Variants in JUP observed in about 807,000 individuals in gnomAD.
The protein encoded by JUP is junction plakoglobin, also known as catenin (cadherin-associated protein), gamma 80kDa.
Under a neutral mutation model 71.1 loss-of-function variants are expected in JUP, and 28 were observed. That is an observed-to-expected ratio of 0.39 (90% CI 0.29 to 0.54). The LOEUF (loss-of-function observed/expected upper bound fraction) is 0.54, where lower values mean the gene tolerates loss of function less well. JUP is among the 20% of genes least tolerant of loss of function. The pLI is 0.62. For missense variants in JUP, 869 were observed against 1,030.1 expected (o/e 0.84, Z 2.14); for synonymous variants, 401 against 438.9 (o/e 0.91, Z 1.08).
chr17:41,762,139 GA>G (rs1914917888), intron 8 of JUP, among the ~76,000 whole-genome samples: 1 of 88,558 alleles, frequency 1.1e-5, no homozygotes, highest in Non-Finnish European at 2.4e-5. Context: ...GAGAGAGAGA[GA>G]GAGAGAGAGA....
At chr17:41,771,971 A>G in intron 1 of JUP, 109 bp from the exon 2 acceptor site, 1 of 965,862 alleles carries the variant, frequency 1.0e-6, no homozygotes, top group African/African-American at 1.6e-5. Flanking sequence ...ACCATGGCCC[A>G]GGGATTTCAA....
intron 8 of JUP, 49 bp from the exon 9 acceptor site, chr17:41,758,919 G>A (rs929878424): frequency 3.8e-6 from 6 of 1,561,992 alleles, no homozygotes; most frequent in Non-Finnish European, 5.2e-6. Context: ...GACATCTGAA[G>A]GATCCCAGCT....
intron 13 of JUP, 56 bp downstream of exon 13, chr17:41,756,119 C>T (rs1913685558): frequency 6.4e-7 from 1 of 1,559,862 alleles, no homozygotes; most frequent in East Asian, 2.2e-5. Context: ...CCCTCACACA[C>T]ACCCACACAG....
chr17:41,776,844 A>T (rs1307764972), intron 1 of JUP, among the ~76,000 whole-genome samples: 1 of 152,142 alleles, frequency 6.6e-6, no homozygotes, highest in Non-Finnish European at 1.5e-5. Context: ...ATCTCTACTA[A>T]AAATACAAAA....
At chr17:41,774,147 AC>A (rs1917088701) in intron 1 of JUP, among the ~76,000 whole-genome samples, 1 of 133,916 alleles carries the variant, frequency 7.5e-6, no homozygotes, top group South Asian at 2.8e-4. Context: ...GCCCCTCACC[AC>A]CCCCACCAGC....
intron 1 of JUP, among the ~76,000 whole-genome samples, chr17:41,773,505 C>CT (rs1462206529): frequency 6.6e-6 from 1 of 152,238 alleles, no homozygotes; most frequent in Non-Finnish European, 1.5e-5. Flanking sequence ...CCTCAGACGG[C>CT]AGACCCCAGA....
chr17:41,782,678 A>G (rs964340245), intron 1 of JUP, among the ~76,000 whole-genome samples: 3 of 152,142 alleles, frequency 2.0e-5, no homozygotes, highest in Non-Finnish European at 4.4e-5. Context: ...GGGGAGATTT[A>G]AGTGGGCTGG....
intron 1 of JUP, among the ~76,000 whole-genome samples, chr17:41,773,943 C>A (rs1917061166): frequency 6.6e-6 from 1 of 152,228 alleles, no homozygotes; most frequent in East Asian, 1.9e-4. Flanking sequence ...CTGGACACTG[C>A]TGGACATCTG....
At chr17:41,785,598 C>T (rs569540714) in intron 1 of JUP, among the ~76,000 whole-genome samples, 6 of 152,346 alleles carry the variant, frequency 3.9e-5, no homozygotes, top group African/African-American at 1.2e-4. Flanking sequence ...CAGGAAGGAC[C>T]CCCTAAGCCT....
intron 4 of JUP, among the ~76,000 whole-genome samples, chr17:41,768,086 A>T (rs1260402155): frequency 6.6e-6 from 1 of 152,080 alleles, no homozygotes; most frequent in Non-Finnish European, 1.5e-5. Context: ...CAACGTGGTG[A>T]AACCCCGTCT....
At chr17:41,773,655 A>G (rs1555607777) in intron 1 of JUP, among the ~76,000 whole-genome samples, 1 of 148,534 alleles carries the variant, frequency 6.7e-6, no homozygotes, top group Non-Finnish European at 1.5e-5. Flanking sequence ...ACAGAGGGGA[A>G]TGGCCACTGG....
intron 12 of JUP, 79 bp downstream of exon 12, chr17:41,757,336 G>A: frequency 2.0e-6 from 3 of 1,469,756 alleles, no homozygotes; most frequent in Non-Finnish European, 1.9e-6. Context: ...GACAGTAGTA[G>A]GAGACCCCCA....
At chr17:41,782,110 A>G (rs1315119758) in intron 1 of JUP, among the ~76,000 whole-genome samples, 1 of 152,146 alleles carries the variant, frequency 6.6e-6, no homozygotes, top group Non-Finnish European at 1.5e-5. Flanking sequence ...CATAAAGAGA[A>G]CCCATTTCCC....
At chr17:41,772,493 G>C (rs1234439259) in intron 1 of JUP, among the ~76,000 whole-genome samples, 1 of 152,122 alleles carries the variant, frequency 6.6e-6, no homozygotes, top group East Asian at 1.9e-4. Flanking sequence ...AGCCCTCCCA[G>C]TCCCTAGACG....
chr17:41,781,366 A>AAAAG (rs201091996), intron 1 of JUP, among the ~76,000 whole-genome samples: 6 of 151,784 alleles, frequency 4.0e-5, no homozygotes, highest in South Asian at 2.1e-4. Flanking sequence ...CAAAAAAAAA[A>AAAAG]AAAGAAAGAA....
intron 3 of JUP, 96 bp downstream of exon 3, chr17:41,769,322 A>G (rs1567818891): frequency 6.4e-7 from 1 of 1,568,602 alleles, no homozygotes; most frequent in Non-Finnish European, 8.7e-7. Context: ...AGTCTGGGTC[A>G]TAACCTCCCT....
intron 1 of JUP, among the ~76,000 whole-genome samples, chr17:41,784,263 CCAAA>C (rs1414788574): frequency 1.3e-5 from 2 of 152,078 alleles, no homozygotes; most frequent in Non-Finnish European, 2.9e-5. Context: ...CCCTGGCAGC[CCAAA>C]CAGAGGCTCC....
chr17:41,760,558 A>G (rs1597792833), intron 8 of JUP, among the ~76,000 whole-genome samples: 1 of 131,250 alleles, frequency 7.6e-6, no homozygotes, highest in South Asian at 2.5e-4. Flanking sequence ...ACGCCTGGCC[A>G]TGTTTTTTGT....
chr17:41,758,304 G>C (rs1353633793), intron 10 of JUP, 95 bp downstream of exon 10: 4 of 1,549,218 alleles, frequency 2.6e-6, no homozygotes, highest in Non-Finnish European at 3.5e-6. Flanking sequence ...AAGACCTCTT[G>C]ATACCTGGTC....
Sources: gnomAD v4.1 joint callset for allele counts (sites outside exome capture counted in the v4.1 genomes callset) on GRCh38, gnomAD v4.1.1 for gene constraint, MANE v1.5 for transcripts, NCBI Gene and HGNC (gene_info 2026-07-23, HGNC 2026-07-21) for gene names.